NRG1: variants seen among roughly 807,000 people sequenced by gnomAD.
The protein encoded by NRG1 is neuregulin 1.
Under a neutral mutation model 63.8 loss-of-function variants are expected in NRG1, and 18 were observed. The observed-to-expected ratio is 0.28, with a 90% CI of 0.19 to 0.42. The LOEUF (loss-of-function observed/expected upper bound fraction) is 0.42, where lower values mean the gene tolerates loss of function less well. Among genes scored for constraint, NRG1 ranks in the 10% least tolerant of loss-of-function variants. The pLI is 1.00. For synonymous variants in NRG1, 302 were observed against 301.3 expected (o/e 1.00, Z -0.02); for missense variants, 762 against 814.7 (o/e 0.94, Z 0.79).
chr8:32,036,361 G>C (rs766866438), intron 1 of NRG1, among the ~76,000 whole-genome samples: 1 of 151,938 alleles, frequency 6.6e-6, no homozygotes, highest in Non-Finnish European at 1.5e-5. Flanking sequence ...TACCTTTGAC[G>C]TATTTTTCTT....
chr8:32,736,286 T>C (rs1305368298), intron 6 of NRG1, among the ~76,000 whole-genome samples: 1 of 152,152 alleles, frequency 6.6e-6, no homozygotes, highest in Non-Finnish European at 1.5e-5. Flanking sequence ...ATAGTAACAA[T>C]ACCTTTGGGA....
intron 5 of NRG1, among the ~76,000 whole-genome samples, chr8:32,638,279 C>T (rs994561559): frequency 6.6e-6 from 1 of 151,942 alleles, no homozygotes; most frequent in East Asian, 1.9e-4. Context: ...CAAACCTGCA[C>T]GTTGTGCACA....
chr8:32,722,966 A>G (rs1756037348), intron 5 of NRG1, among the ~76,000 whole-genome samples: 1 of 152,202 alleles, frequency 6.6e-6, no homozygotes, highest in Non-Finnish European at 1.5e-5. Flanking sequence ...ATTTTGCAGA[A>G]GAATAATTTC....
chr8:31,943,969 T>G (rs570042389), intron 1 of NRG1, among the ~76,000 whole-genome samples: 1 of 152,328 alleles, frequency 6.6e-6, no homozygotes, highest in East Asian at 1.9e-4. Context: ...TTATGACTAT[T>G]ACTTGTTTAT....
At chr8:32,624,506 G>A (rs1179875414) in intron 5 of NRG1, among the ~76,000 whole-genome samples, 1 of 152,118 alleles carries the variant, frequency 6.6e-6, no homozygotes, top group East Asian at 1.9e-4. Context: ...ATTAGTAACA[G>A]AATTTTAAAG....
At chr8:32,004,245 C>T (rs910670302) in intron 1 of NRG1, among the ~76,000 whole-genome samples, 23 of 151,694 alleles carry the variant, frequency 1.5e-4, no homozygotes, top group African/African-American at 5.6e-4. Context: ...ATGGAGAGGG[C>T]AGTGGATGGG....
In NRG1 at chr8:32,618,945, G is replaced by A. The variant is rs187151126; in HGVS notation, c.502+2060G>A. 1.6e-4 allele frequency among the ~76,000 whole-genome samples: 25 copies of A among 152,244 alleles called. No individual in the cohort carries two copies. The East Asian group carries it at 4.4e-3, about 27-fold the overall frequency. On this transcript the variant is annotated intron_variant, in intron 5 of 11. Coordinates refer to ENST00000356819, the Ensembl canonical transcript of NRG1. ...CTAGGGAAACTGGCTGGGCATGGTC[G>A]CTCATGCCTATAATCCTAGCATTTT...
At chr8:32,120,220 C>T (rs1027861100) in intron 1 of NRG1, among the ~76,000 whole-genome samples, 2 of 152,014 alleles carry the variant, frequency 1.3e-5, no homozygotes, top group African/African-American at 2.4e-5. Flanking sequence ...AGAAATATGT[C>T]TTAGATTTCT....
intron 1 of NRG1, among the ~76,000 whole-genome samples, chr8:32,340,441 TCTCTTTCCACCTG>T (rs1231829645): frequency 6.6e-6 from 1 of 152,188 alleles, no homozygotes; most frequent in Non-Finnish European, 1.5e-5. Flanking sequence ...TCGATTTCTG[TCTCTTTCCACCTG>T]CTAACCAGAT....
intron 1 of NRG1, among the ~76,000 whole-genome samples, chr8:32,105,354 A>G (rs1048833018): frequency 2.0e-5 from 3 of 152,198 alleles, no homozygotes; most frequent in Non-Finnish European, 2.9e-5. Context: ...GAGGCCTCAC[A>G]ATCATGGCAG....
intron 1 of NRG1, among the ~76,000 whole-genome samples, chr8:32,273,543 G>A (rs1851774085): frequency 6.6e-6 from 1 of 152,200 alleles, no homozygotes; most frequent in South Asian, 2.1e-4. Flanking sequence ...TGTGATTACA[G>A]AGAATAGTTG....
intron 1 of NRG1, among the ~76,000 whole-genome samples, chr8:31,648,227 G>T (rs1378968512): frequency 7.2e-6 from 1 of 138,102 alleles, no homozygotes; most frequent in Non-Finnish European, 1.5e-5. Flanking sequence ...TCCGCCTCCC[G>T]GGTTCACGCC....
chr8:31,816,213 C>T (rs1483755893), intron 1 of NRG1, among the ~76,000 whole-genome samples: 1 of 152,146 alleles, frequency 6.6e-6, no homozygotes, highest in Admixed American at 6.5e-5. Context: ...TCCTAAGACT[C>T]ACACATGAGC....
intron 1 of NRG1, among the ~76,000 whole-genome samples, chr8:32,519,423 ATTTT>A (rs57992377): frequency 1.3e-5 from 2 of 149,084 alleles, no homozygotes; most frequent in Non-Finnish European, 3.0e-5. Flanking sequence ...CGTATAACTG[ATTTT>A]TTTTTTTGAG....
At chr8:31,771,338 T>C (rs1246997723) in intron 1 of NRG1, among the ~76,000 whole-genome samples, 1 of 152,248 alleles carries the variant, frequency 6.6e-6, no homozygotes, top group African/African-American at 2.4e-5. Flanking sequence ...AAGATTCTAT[T>C]TTATGGATGT....
At chr8:32,747,248 C>G (rs1444143320) in intron 7 of NRG1, among the ~76,000 whole-genome samples, 1 of 152,022 alleles carries the variant, frequency 6.6e-6, no homozygotes, top group Non-Finnish European at 1.5e-5. Flanking sequence ...AGTCCTGACT[C>G]TCTGGAAAGA....
At chr8:32,256,278 G>A (rs1849693069) in intron 1 of NRG1, among the ~76,000 whole-genome samples, 1 of 152,100 alleles carries the variant, frequency 6.6e-6, no homozygotes, top group Non-Finnish European at 1.5e-5. Context: ...TCTGGTTTTT[G>A]GAATTTTCAG....
intron 5 of NRG1, among the ~76,000 whole-genome samples, chr8:32,669,372 T>G (rs1805037124): frequency 6.6e-6 from 1 of 152,316 alleles, no homozygotes; most frequent in African/African-American, 2.4e-5. Flanking sequence ...ACTTGAACCC[T>G]GGAGCCCAAA....
At chr8:32,054,863 C>CTTTTTTTTTTTTTTTTTTTT (rs543522972) in intron 1 of NRG1, among the ~76,000 whole-genome samples, 1 of 63,996 alleles carries the variant, frequency 1.6e-5, no homozygotes, top group African/African-American at 6.1e-5. Context: ...TTCTTTCTTT[C>CTTTTTTTTTTTTTTTTTTTT]TTTTTTTTTT....
Sources: allele counts gnomAD v4.1 joint callset (sites outside exome capture counted in the v4.1 genomes callset), GRCh38; gene constraint gnomAD v4.1.1; transcripts MANE v1.5; gene names NCBI Gene and HGNC (gene_info 2026-07-23, HGNC 2026-07-21).